The following WARS1 variants were observed in gnomAD, a reference collection of about 807,000 sequenced individuals.
WARS1 encodes tryptophanyl-tRNA synthetase 1.
WARS1 carries 17 observed loss-of-function variants against 47.8 expected under a neutral mutation model. The observed-to-expected ratio is 0.36, with a 90% CI of 0.24 to 0.53. The LOEUF (loss-of-function observed/expected upper bound fraction) is 0.53. Among genes scored for constraint, WARS1 ranks in the 20% least tolerant of loss-of-function variants. The probability of loss-of-function intolerance (pLI) is 0.91; values close to 1 mark genes in which losing one functional copy is unlikely to be tolerated. For synonymous variants in WARS1, 208 were observed against 228.1 expected (o/e 0.91, Z 0.79); for missense variants, 434 against 608.0 (o/e 0.71, Z 3.01).
Position 100,353,863 on chromosome 14 carries a change from G to C in WARS1, c.549C>G (p.Leu183=). Residue 183 remains leucine (L), a synonymous_variant, in exon 6 of 11, where the codon CTC becomes CTG. Transcript: ENST00000392882. ...HLIPFIFTKW[L]QDVFNVPLVI... ...CCAAGGGCACGTTAAATACATCCTG[G>C]AGCCACCTAAAGAAACACAGGGGGA... 1 of 1,613,440 alleles carries C rather than the reference G, an allele frequency of 6.2e-7. No individual in the cohort carries two copies. Among genetic ancestry groups the C allele is most frequent in the South Asian group, 1.1e-5 (1 of 91,018 alleles).
At chr14:100,374,410 A>G (rs1896518269) in intron 1 of WARS1, 1 of 152,260 alleles carries the variant, frequency 6.6e-6, no homozygotes, top group African/African-American at 2.4e-5. Flanking sequence ...AGCCTCTTGA[A>G]AATTAACCCC....
chr14:100,339,288 G>T (rs1479135285), intron 9 of WARS1, among the ~76,000 whole-genome samples: 1 of 151,842 alleles, frequency 6.6e-6, no homozygotes, highest in Non-Finnish European at 1.5e-5. Context: ...CACGCGAGAG[G>T]CTCAGGCAAG....
chr14:100,354,058 G>A (rs1895164395), intron 5 of WARS1, 189 bp from the exon 6 acceptor site: 1 of 593,308 alleles, frequency 1.7e-6, no homozygotes, highest in Admixed American at 3.0e-5. Flanking sequence ...TATCGACCAG[G>A]TGGCCCTGTG....
chr14:100,344,919 C>T (rs1267450972), intron 7 of WARS1, among the ~76,000 whole-genome samples: 5 of 150,668 alleles, frequency 3.3e-5, no homozygotes, highest in South Asian at 2.1e-4. Flanking sequence ...GGAGCGTCTC[C>T]GCCCAGCAGC....
chr14:100,362,191 G>T (rs1242416340), intron 2 of WARS1, among the ~76,000 whole-genome samples: 1 of 152,164 alleles, frequency 6.6e-6, no homozygotes, highest in African/African-American at 2.4e-5. Context: ...GTGCTACCAT[G>T]AACACTTTGG....
chr14:100,338,415 G>A (rs1346435144), intron 9 of WARS1, among the ~76,000 whole-genome samples: 1 of 151,974 alleles, frequency 6.6e-6, no homozygotes, highest in Non-Finnish European at 1.5e-5. Context: ...ATAGGTGTGT[G>A]CCACCAGCCT....
At chr14:100,345,834 C>T (rs77742515) in intron 7 of WARS1, among the ~76,000 whole-genome samples, 9,218 of 152,326 alleles carry the variant, frequency 0.061, 431 homozygotes, top group African/African-American at 0.12. Flanking sequence ...GCCACGCCAG[C>T]CCCCACCAAG....
rs181169011 is a variant in WARS1 at position 100,339,419 on chromosome 14, G to A, written c.1114-2217C>T. On this transcript the variant is annotated intron_variant, in intron 9 of 10. Transcript: ENST00000392882. ...ATCCTGGCTAACACGGTGAAACCCCGTCTCTACCAAAATACAAAAAATTAG... is the reference window on the plus strand; with the variant it reads ...ATCCTGGCTAACACGGTGAAACCCCATCTCTACCAAAATACAAAAAATTAG... Among the ~76,000 whole-genome samples, 193 of 152,024 alleles carry A rather than the reference G, an allele frequency of 1.3e-3. 2 individuals are homozygous for A. Among genetic ancestry groups the A allele is most frequent in the Non-Finnish European group, 2.2e-3 (152 of 67,954 alleles).
At chr14:100,355,084 G>A (rs1324860159) in intron 4 of WARS1, among the ~76,000 whole-genome samples, 1 of 152,142 alleles carries the variant, frequency 6.6e-6, no homozygotes, top group African/African-American at 2.4e-5. Context: ...CTTGGGACTA[G>A]GTATCTTCAT....
In WARS1 at chr14:100,343,958, C is replaced by A. The variant is rs552037606; in HGVS notation, c.827-571G>T. ...TTCCTTGCCTTTTTCATTGTAATGA[C>A]TATCCATGTTGTTACTAAGTATATT... On this transcript the variant is annotated intron_variant, in intron 7 of 10. Coordinates refer to ENST00000392882, the MANE Select transcript of WARS1 (RefSeq NM_004184.4). Among the ~76,000 whole-genome samples, 4 of 152,312 alleles carry A rather than the reference C, an allele frequency of 2.6e-5. No homozygotes were observed. In the East Asian group the frequency reaches 7.7e-4, roughly 29 times the overall value.
rs751907243 is a variant in WARS1 at position 100,335,029 on chromosome 14, G to T, written c.1262C>A (p.Thr421Asn). Residue 421 changes from threonine (T) to asparagine (N), a missense_variant, in exon 11 of 11, where the codon ACC (threonine) becomes AAC (asparagine). Coordinates refer to ENST00000392882, the MANE Select transcript of WARS1 (RefSeq NM_004184.4). ...CTCACCGGTGAGCATGGCTCCGCTGGTGTAATCCTGCCCGGAGGGAGACAG... is the reference window on the plus strand; with the variant it reads ...CTCACCGGTGAGCATGGCTCCGCTGTTGTAATCCTGCCCGGAGGGAGACAG... ...DKLEQIRKDY[T>N]SGAMLTGELK... is the part of the protein sequence containing the mutation. 1 of 1,613,528 alleles carries T rather than the reference G, an allele frequency of 6.2e-7. No individual in the cohort carries two copies. The highest frequency in any genetic ancestry group is 1.1e-5 in the South Asian group (1 of 91,050).
At position 100,342,692 on chromosome 14, in the gene WARS1, T is replaced by A. The variant is rs532241698; in HGVS notation, c.940-121A>T. On this transcript the variant is annotated intron_variant, in intron 8 of 10. Coordinates refer to ENST00000392882, the MANE Select transcript of WARS1 (RefSeq NM_004184.4). ...CATGCTTCCAACCAAAGAAATTCAC[T>A]CCCTCCTCCCCTTCATCTTTTCCTT... The A allele has an allele frequency of 5.0e-4, 417 of 829,030 alleles. 3 individuals are homozygous for A. The highest frequency in any genetic ancestry group is 6.8e-4 in the Non-Finnish European group (382 of 560,554). 51.4% of individuals were successfully genotyped at this position (829,030 alleles called of 1,614,324 possible). A position where few individuals can be genotyped will look rare whatever the true frequency, so the allele number is the denominator to read the frequency against.
At chr14:100,355,373 CA>C (rs1390103607) in intron 4 of WARS1, among the ~76,000 whole-genome samples, 1 of 151,890 alleles carries the variant, frequency 6.6e-6, no homozygotes, top group Non-Finnish European at 1.5e-5. Context: ...AGGCACCTGC[CA>C]CTATGCCCAG....
intron 4 of WARS1, among the ~76,000 whole-genome samples, 183 bp downstream of exon 4, chr14:100,360,371 G>C (rs892142790): frequency 1.3e-5 from 2 of 152,064 alleles, no homozygotes; most frequent in African/African-American, 4.8e-5. Context: ...AGAGCCTGAG[G>C]GTGATGGACA....
chr14:100,336,165 A>C (rs752507190), intron 10 of WARS1, among the ~76,000 whole-genome samples: 53 of 150,598 alleles, frequency 3.5e-4, no homozygotes, highest in Non-Finnish European at 6.2e-4. Flanking sequence ...AGTCCCAGCT[A>C]CTCGGGAGGC....
At position 100,342,614 on chromosome 14, in the gene WARS1, A is replaced by G. The variant is rs562032733; in HGVS notation, c.940-43T>C. On this transcript the variant is annotated intron_variant, in intron 8 of 10. Coordinates refer to ENST00000392882, the MANE Select transcript of WARS1 (RefSeq NM_004184.4). Reference sequence around the variant, plus strand: ...ACCCTGATGAGGGCGGCCAGAAAACATGCCAGCTTTCAGCCATGAGCAGTC... The same window carrying G: ...ACCCTGATGAGGGCGGCCAGAAAACGTGCCAGCTTTCAGCCATGAGCAGTC... The G allele has an allele frequency of 5.4e-5, 84 of 1,560,968 alleles. 2 individuals are homozygous for G. The South Asian group carries it at 8.9e-4, about 17-fold the overall frequency.
At chr14:100,351,834 A>G (rs1445258376) in intron 6 of WARS1, among the ~76,000 whole-genome samples, 5 of 151,958 alleles carry the variant, frequency 3.3e-5, no homozygotes, top group Non-Finnish European at 5.9e-5. Context: ...TCTACTAAAA[A>G]TACAAAAAAT....
rs374643543 is a variant in WARS1, at chr14:100,361,828, C to G, written c.193G>C (p.Gly65Arg). Residue 65 changes from glycine (G) to arginine (R), a missense_variant, in exon 3 of 11, where the codon GGG (glycine) becomes CGG (arginine). Transcript: ENST00000392882. ...TGATTACTGGTAGGTGCTGGGTTCC[C>G]TGGAGGACAGTCAGCCTTGTAATCC... Reference protein sequence around the residue: ...GEDYKADCPPGNPAPTSNHGP... With the variant: ...GEDYKADCPPRNPAPTSNHGP... The G allele has an allele frequency of 5.8e-5, 94 of 1,614,070 alleles. No homozygotes were observed. Among genetic ancestry groups the G allele is most frequent in the Non-Finnish European group, 6.9e-5 (82 of 1,180,034 alleles).
At chr14:100,375,531 A>G (rs1481800467), upstream of WARS1, 3 of 152,596 alleles carry the variant, frequency 2.0e-5, no homozygotes, top group African/African-American at 4.8e-5. Flanking sequence ...AGACTGTCCA[A>G]TCAGGGGTGG....
Sources: allele counts gnomAD v4.1 joint callset (sites outside exome capture counted in the v4.1 genomes callset), GRCh38; gene constraint gnomAD v4.1.1; transcripts MANE v1.5; gene names NCBI Gene and HGNC (gene_info 2026-07-23, HGNC 2026-07-21).